The following FZD8 variants were observed in gnomAD, a reference collection of about 807,000 sequenced individuals.
The protein encoded by FZD8 is frizzled-8.
In FZD8, 18 loss-of-function variants were observed where a neutral mutation model predicts 46.0. That is an observed-to-expected ratio of 0.39 (90% CI 0.27 to 0.58). The LOEUF is 0.58. Among genes scored for constraint, FZD8 ranks in the 20% least tolerant of loss-of-function variants. The pLI, the probability that FZD8 is intolerant of heterozygous loss-of-function variation, is 0.55. For synonymous variants in FZD8, 586 were observed against 467.9 expected, an observed-to-expected ratio of 1.25 and a Z score of -3.26; for missense variants, 785 against 983.4, an observed-to-expected ratio of 0.80 and a Z score of 2.70.
chr10:35,639,520 G>C lies in FZD8; in HGVS notation c.1910C>G (p.Ala637Gly). ...CCCCGGCCCGCCGCCACCCCCCGCG[G>C]CCGTGGCGCCCGCGCCCCCGCCCAC... ...AAVGGGAGAT[A>G]AGGGGGPGGG... is the part of the protein sequence containing the mutation. Residue 637 changes from alanine to glycine, a missense_variant, in exon 1 of 1, where the codon GCC becomes GGC. Transcript: ENST00000374694. The C allele has an allele frequency of 8.6e-7, 1 of 1,167,334 alleles. No individual in the cohort carries two copies. The allele number at this position is 1,167,334 out of a possible 1,614,324, so 72.3% of individuals were successfully genotyped here. A position where few individuals can be genotyped will look rare whatever the true frequency, so the allele number is the denominator to read the frequency against.
chr10:35,639,606 C>T lies in FZD8; in HGVS notation c.1824G>A (p.Lys608=). ...ACAGGGAGCGCCAGGACTCCAGCGT[C>T]TTGCCGGACCAGACCCACACGCCCG... ...ITSGVWVWSG[K]TLESWRSLCT... The change falls in exon 1 of 1, where the codon AAG becomes AAA. Residue 608 remains lysine, a synonymous_variant. Transcript: ENST00000374694. 1 of 1,597,728 alleles carries T rather than the reference C, an allele frequency of 6.3e-7. No homozygotes were observed. Among genetic ancestry groups the T allele is most frequent in the Non-Finnish European group, 8.5e-7 (1 of 1,179,514 alleles).
Sources: allele counts gnomAD v4.1 joint callset, GRCh38; gene constraint gnomAD v4.1.1; transcripts MANE v1.5; gene names NCBI Gene and HGNC (gene_info 2026-07-23, HGNC 2026-07-21).